ALAD: variants seen among roughly 807,000 people sequenced by gnomAD.
ALAD encodes aminolevulinate dehydratase.
Under a neutral mutation model 44.4 loss-of-function variants are expected in ALAD, and 20 were observed. The ratio of observed to expected loss-of-function variants is 0.45; its 90% confidence interval spans 0.32 to 0.65. The LOEUF is 0.65. Among genes scored for constraint, ALAD ranks in the 30% least tolerant of loss-of-function variants. The probability of loss-of-function intolerance (pLI) is 0.05; values close to 1 mark genes in which losing one functional copy is unlikely to be tolerated. For missense variants in ALAD, 323 were observed against 445.7 expected (o/e 0.72, Z 2.48); for synonymous variants, 156 against 167.9 (o/e 0.93, Z 0.55).
Position 113,388,907 on chromosome 9 carries a change from C to T in ALAD, c.931+70G>A. Reference sequence around the variant, plus strand: ...GATCCCAAGCTCTCAGGACGTCGTTCCCCAATCTAGGCAGAGTGCTTATCA... The same window carrying T: ...GATCCCAAGCTCTCAGGACGTCGTTTCCCAATCTAGGCAGAGTGCTTATCA... On this transcript the variant is annotated intron_variant, in intron 11 of 11. Transcript: ENST00000409155. 3 of 1,611,002 alleles carry T rather than the reference C, an allele frequency of 1.9e-6. No individual in the cohort carries two copies. In the South Asian group the frequency reaches 3.3e-5, roughly 18 times the overall value.
At position 113,390,499 on chromosome 9, in the gene ALAD, G is replaced by A. The variant is rs780798838; in HGVS notation, c.482-6C>T. 4.3e-6 allele frequency: 7 copies of A among 1,614,040 alleles called. No homozygotes were observed. The highest frequency in any genetic ancestry group is 2.5e-6 in the Non-Finnish European group (3 of 1,180,026). ...CGGGGCTACCACCTGACATCCTGGG[G>A]GGCAGAGGGTGGCCTTCAGAACTCT... is the stretch of plus-strand genomic sequence containing the variant. On this transcript the variant is annotated splice_polypyrimidine_tract_variant and splice_region_variant and intron_variant, in intron 6 of 11. Coordinates refer to ENST00000409155, the MANE Select transcript of ALAD (RefSeq NM_000031.6).
At chr9:113,389,873 G>C (rs1827521846) in intron 7 of ALAD, 45 bp from the exon 8 acceptor site, 1 of 1,609,842 alleles carries the variant, frequency 6.2e-7, no homozygotes, top group East Asian at 2.2e-5. Context: ...GCCCTTGCCA[G>C]GTATCCCAGG....
At chr9:113,394,474 G>A (rs1321839215) in intron 1 of ALAD, among the ~76,000 whole-genome samples, 1 of 151,726 alleles carries the variant, frequency 6.6e-6, no homozygotes, top group African/African-American at 2.4e-5. Flanking sequence ...GGAGTTCAAG[G>A]TTGCAGTAAG....
chr9:113,387,068 C>T lies in ALAD; in HGVS notation c.*1232G>A, dbSNP rs1827414381. 6.6e-6 allele frequency: 1 copy of T among 152,292 alleles called. No homozygotes were observed. The highest frequency in any genetic ancestry group is 1.5e-5 in the Non-Finnish European group (1 of 68,078). The allele number at this position is 152,292 out of a possible 1,614,324, so 9.4% of individuals were successfully genotyped here. On this transcript the variant is annotated 3_prime_UTR_variant, in exon 12 of 12. Coordinates refer to ENST00000409155, the MANE Select transcript of ALAD (RefSeq NM_000031.6). ...ACAAACTACAAATTTGATTGAGTCA[C>T]TCTGAAAAGGTGAATGTGGCCCTTG...
intron 2 of ALAD, chr9:113,392,466 A>G (rs1827617787): frequency 6.0e-6 from 4 of 666,048 alleles, no homozygotes; most frequent in Non-Finnish European, 8.7e-6. Flanking sequence ...CTTGCTTTCT[A>G]TCCCAGCCAC....
intron 2 of ALAD, 58 bp from the exon 3 acceptor site, chr9:113,392,227 G>A (rs1827609623): frequency 1.2e-6 from 2 of 1,612,786 alleles, no homozygotes; most frequent in African/African-American, 2.7e-5. Flanking sequence ...AGTGGTGCGG[G>A]GGCGACTGAG....
At chr9:113,394,614 C>A (rs1433958476) in intron 1 of ALAD, among the ~76,000 whole-genome samples, 2 of 152,120 alleles carry the variant, frequency 1.3e-5, no homozygotes, top group Non-Finnish European at 2.9e-5. Flanking sequence ...AGAACTAATC[C>A]TTCCTTATGC....
At position 113,389,962 on chromosome 9, in the gene ALAD, G is replaced by T. The variant is rs1302834866; in HGVS notation, c.571-134C>A. Reference sequence around the variant, plus strand: ...CTGGTCCTGTTGGAGTGCTGGGCTTGATTTCCCTGCAGAGGCCCAGAGGTT... The same window carrying T: ...CTGGTCCTGTTGGAGTGCTGGGCTTTATTTCCCTGCAGAGGCCCAGAGGTT... On this transcript the variant is annotated intron_variant, in intron 7 of 11. Coordinates refer to ENST00000409155, the MANE Select transcript of ALAD (RefSeq NM_000031.6). 6 of 1,094,482 alleles carry T rather than the reference G, an allele frequency of 5.5e-6. No individual in the cohort carries two copies. In the East Asian group the frequency reaches 1.3e-4, roughly 23 times the overall value. 67.8% of individuals were successfully genotyped at this position (1,094,482 alleles called of 1,614,324 possible). A position where few individuals can be genotyped will look rare whatever the true frequency, so the allele number is the denominator to read the frequency against.
chr9:113,393,156 C>T (rs1046354113), intron 2 of ALAD: 3 of 453,740 alleles, frequency 6.6e-6, no homozygotes, highest in Admixed American at 6.8e-5. Flanking sequence ...TAGCACTTTA[C>T]AATGTACAGA....
At chr9:113,393,705 G>GAT (rs1351125200) in intron 1 of ALAD, 71 bp from the exon 2 acceptor site, 3 of 668,826 alleles carry the variant, frequency 4.5e-6, no homozygotes, top group East Asian at 5.2e-5. Flanking sequence ...CTGGAAAACA[G>GAT]CTCTTCTAGA....
rs531311653 is a variant in ALAD at position 113,388,899 on chromosome 9, A to G, written c.931+78T>C. On this transcript the variant is annotated intron_variant, in intron 11 of 11. Transcript: ENST00000409155. Reference sequence around the variant, plus strand: ...CGGAATAAGATCCCAAGCTCTCAGGACGTCGTTCCCCAATCTAGGCAGAGT... The same window carrying G: ...CGGAATAAGATCCCAAGCTCTCAGGGCGTCGTTCCCCAATCTAGGCAGAGT... 702 of 1,604,420 alleles carry G rather than the reference A, an allele frequency of 4.4e-4. 2 individuals are homozygous for G. The highest frequency in any genetic ancestry group is 5.5e-4 in the Non-Finnish European group (650 of 1,172,264).
chr9:113,399,265 A>G (rs1376219537), intron 1 of ALAD, among the ~76,000 whole-genome samples: 4 of 152,244 alleles, frequency 2.6e-5, no homozygotes, highest in Non-Finnish European at 5.9e-5. Flanking sequence ...TGATAGGGAT[A>G]AGGTAGGTGT....
intron 1 of ALAD, chr9:113,397,115 T>G (rs1827750895): frequency 1.3e-5 from 2 of 152,166 alleles, no homozygotes; most frequent in African/African-American, 4.8e-5. Context: ...TGGGAGATCC[T>G]TTGGTAGGTT....
intron 1 of ALAD, among the ~76,000 whole-genome samples, chr9:113,398,783 T>C (rs150911402): frequency 1.7e-4 from 26 of 152,290 alleles, no homozygotes; most frequent in African/African-American, 5.8e-4. Context: ...ACCTACACCA[T>C]AGAGTCATTC....
In ALAD at chr9:113,390,908, G is replaced by C. The variant is rs373330887; in HGVS notation, c.287C>G (p.Ser96Cys). Residue 96 changes from serine to cysteine, a missense_variant, in exon 5 of 12, where the codon TCC becomes TGC. Transcript: ENST00000409155. ...PKDERGSAAD[S>C]EESPAIEAIH... The stretch of plus-strand genomic sequence containing the variant: ...TGCCTCAATAGCTGGGGACTCCTCG[G>C]AGTCAGCTGCGGAACCCCGCTCGTC... 1 of 1,614,038 alleles carries C rather than the reference G, an allele frequency of 6.2e-7. No homozygotes were observed. Among genetic ancestry groups the C allele is most frequent in the African/African-American group, 1.3e-5 (1 of 74,944 alleles).
At chr9:113,389,725 G>A (rs1435552559) in intron 8 of ALAD, 39 bp from the exon 9 acceptor site, 1 of 1,614,176 alleles carries the variant, frequency 6.2e-7, no homozygotes, top group South Asian at 1.1e-5. Context: ...CCAGCTTTGG[G>A]CCAAAGGGCC....
Position 113,388,380 on chromosome 9 carries a change from A to G in ALAD, c.932-19T>C. On this transcript the variant is annotated intron_variant, in intron 11 of 11. Transcript: ENST00000409155. ...TCAGCACCTGTGTTGGGAGAGATGC[A>G]GAAAGTTGCTGGGGGGACGCTGATC... 1 of 1,613,474 alleles carries G rather than the reference A, an allele frequency of 6.2e-7. No individual in the cohort carries two copies. Among genetic ancestry groups the G allele is most frequent in the South Asian group, 1.1e-5 (1 of 91,058 alleles).
In ALAD at chr9:113,390,832, G is replaced by A; in HGVS notation, c.363C>T (p.Val121=). ...TFPNLLVACD[V]CLCPYTSHGH... ...CATGGGAGGTGTAGGGACACAGGCAGACATCACAGGCCACCAGGAGGTTGG... is the reference window on the plus strand; with the variant it reads ...CATGGGAGGTGTAGGGACACAGGCAAACATCACAGGCCACCAGGAGGTTGG... The change falls in exon 5 of 12, where the codon GTC becomes GTT. Residue 121 remains valine, a synonymous_variant. Coordinates refer to ENST00000409155, the MANE Select transcript of ALAD (RefSeq NM_000031.6). 1 of 1,613,510 alleles carries A rather than the reference G, an allele frequency of 6.2e-7. No homozygotes were observed. Among genetic ancestry groups the A allele is most frequent in the Non-Finnish European group, 8.5e-7 (1 of 1,179,800 alleles).
intron 2 of ALAD, chr9:113,393,129 C>G (rs923708896): frequency 2.9e-6 from 1 of 347,318 alleles, no homozygotes; most frequent in South Asian, 2.9e-5. Flanking sequence ...CAATGACTGC[C>G]ATCTCTTACA....
Sources: gnomAD v4.1 joint callset for allele counts (sites outside exome capture counted in the v4.1 genomes callset) on GRCh38, gnomAD v4.1.1 for gene constraint, MANE v1.5 for transcripts, NCBI Gene and HGNC (gene_info 2026-07-23, HGNC 2026-07-21) for gene names.